Variants in ZBTB7C observed in about 807,000 individuals in gnomAD.
ZBTB7C encodes the protein zinc finger and BTB domain containing 7C.
A neutral mutation model predicts 25.7 loss-of-function variants in ZBTB7C; 8 were observed. The ratio of observed to expected loss-of-function variants is 0.31; its 90% CI spans 0.18 to 0.56. ZBTB7C has a LOEUF of 0.56. Ranked by LOEUF, ZBTB7C falls within the 20% of genes least tolerant of loss-of-function variation. The probability of loss-of-function intolerance (pLI) is 0.91; values close to 1 mark genes in which losing one functional copy is unlikely to be tolerated. For synonymous variants in ZBTB7C, 394 were observed against 369.0 expected (o/e 1.07, Z -0.78); for missense variants, 824 against 855.2 (o/e 0.96, Z 0.46).
At chr18:48,171,999 G>A (rs770210461) in intron 3 of ZBTB7C, among the ~76,000 whole-genome samples, 1 of 152,222 alleles carries the variant, frequency 6.6e-6, no homozygotes, top group Non-Finnish European at 1.5e-5. Context: ...ATAAGAAGTA[G>A]CTCCAGCTCT....
intron 2 of ZBTB7C, among the ~76,000 whole-genome samples, chr18:48,321,761 C>T (rs1201132293): frequency 6.6e-6 from 1 of 152,202 alleles, no homozygotes; most frequent in East Asian, 1.9e-4. Flanking sequence ...GCTCACAGAG[C>T]CACTGAAGAT....
chr18:48,238,461 C>T (rs1361653959), intron 2 of ZBTB7C, among the ~76,000 whole-genome samples: 2 of 152,150 alleles, frequency 1.3e-5, no homozygotes, highest in Non-Finnish European at 2.9e-5. Context: ...AACTGAGTGC[C>T]CAAAGTGTGT....
In ZBTB7C at chr18:48,029,836, C is replaced by A; in HGVS notation, c.1284G>T (p.Lys428Asn). 1 of 1,610,364 alleles carries A rather than the reference C, an allele frequency of 6.2e-7. No homozygotes were observed. The highest frequency in any genetic ancestry group is 8.5e-7 in the Non-Finnish European group (1 of 1,179,994). The change falls in exon 5 of 5, where the codon AAG (lysine) becomes AAT (asparagine). Residue 428 changes from lysine to asparagine, a missense_variant. Physicochemically the swap from Lys to Asn is moderately conservative, Grantham distance 94 (BLOSUM62 0). Transcript: ENST00000590800. ...RPYLCIHCNA[K>N]FVHNYDLKNH... Reference sequence around the variant, plus strand: ...TCTTGAGGTCGTAGTTGTGCACGAACTTGGCGTTGCAGTGGATGCACAGGT... The same window carrying A: ...TCTTGAGGTCGTAGTTGTGCACGAAATTGGCGTTGCAGTGGATGCACAGGT...
intron 3 of ZBTB7C, among the ~76,000 whole-genome samples, chr18:48,095,359 C>G (rs1300157114): frequency 6.6e-6 from 1 of 152,148 alleles, no homozygotes; most frequent in African/African-American, 2.4e-5. Flanking sequence ...AACAAGCTGC[C>G]TATTTGAGAG....
At chr18:48,053,961 AG>A (rs775805286) in intron 3 of ZBTB7C, among the ~76,000 whole-genome samples, 5 of 152,216 alleles carry the variant, frequency 3.3e-5, no homozygotes, top group Non-Finnish European at 5.9e-5. Context: ...CAAAGGGATT[AG>A]CTTGTGCGAA....
chr18:48,047,129 T>C (rs540975250), intron 3 of ZBTB7C, among the ~76,000 whole-genome samples: 2 of 152,252 alleles, frequency 1.3e-5, no homozygotes, highest in East Asian at 3.9e-4. Context: ...TGCTGTTTCA[T>C]TGTCTTTTTG....
At chr18:48,232,407 A>G (rs1188934600) in intron 2 of ZBTB7C, among the ~76,000 whole-genome samples, 1 of 152,084 alleles carries the variant, frequency 6.6e-6, no homozygotes, top group Non-Finnish European at 1.5e-5. Flanking sequence ...ACTTTGTCAT[A>G]CTTTGTTATG....
rs1319100955 is a variant in ZBTB7C, at chr18:48,253,956, AT to A, written c.-78-67962del. ...ATCTCAAAAATTGCTTGTTTTTTAG[AT>A]CCTAAATTCCAGCAAAACAGCTAAT... On this transcript the variant is annotated intron_variant, in intron 2 of 4. Transcript: ENST00000590800. Among the ~76,000 whole-genome samples the A allele has an allele frequency of 3.3e-5, 5 of 152,288 alleles. No individual in the cohort carries two copies. In the East Asian group the frequency reaches 9.7e-4, roughly 29 times the overall value.
At chr18:48,086,947 AG>A (rs1568207154) in intron 3 of ZBTB7C, among the ~76,000 whole-genome samples, 1 of 152,228 alleles carries the variant, frequency 6.6e-6, no homozygotes, top group African/African-American at 2.4e-5. Flanking sequence ...ACTTCCTACA[AG>A]GCGCTGTGCT....
At chr18:48,382,990 G>T (rs374338352) in intron 1 of ZBTB7C, among the ~76,000 whole-genome samples, 1 of 152,132 alleles carries the variant, frequency 6.6e-6, no homozygotes, top group East Asian at 1.9e-4. Context: ...CAAATTTGGC[G>T]TGATATTTTC....
intron 2 of ZBTB7C, among the ~76,000 whole-genome samples, chr18:48,311,118 C>A (rs920453750): frequency 4.6e-5 from 7 of 152,158 alleles, no homozygotes; most frequent in Non-Finnish European, 1.0e-4. Context: ...CCAACAAAAC[C>A]CAGGGGTAGG....
chr18:48,240,982 A>C (rs2144355578), intron 2 of ZBTB7C, among the ~76,000 whole-genome samples: 1 of 152,260 alleles, frequency 6.6e-6, no homozygotes, highest in South Asian at 2.1e-4. Flanking sequence ...ACTCACATAG[A>C]CTTAAGGTTA....
At chr18:48,111,038 C>T (rs1011421975) in intron 3 of ZBTB7C, among the ~76,000 whole-genome samples, 2 of 152,174 alleles carry the variant, frequency 1.3e-5, no homozygotes, top group African/African-American at 2.4e-5. Flanking sequence ...CCTGGACTGT[C>T]TGGGGAGCAA....
intron 2 of ZBTB7C, among the ~76,000 whole-genome samples, chr18:48,228,585 G>A (rs1173598149): frequency 6.6e-6 from 1 of 152,054 alleles, no homozygotes; most frequent in African/African-American, 2.4e-5. Flanking sequence ...GGAGGCTGCA[G>A]CAGGAAGAAG....
At chr18:48,279,567 T>C (rs1441770796) in intron 2 of ZBTB7C, among the ~76,000 whole-genome samples, 1 of 152,206 alleles carries the variant, frequency 6.6e-6, no homozygotes, top group Non-Finnish European at 1.5e-5. Context: ...TTCTGTCTTC[T>C]GATATTAGCA....
chr18:48,398,041 G>A (rs575719985), intron 1 of ZBTB7C, among the ~76,000 whole-genome samples: 14 of 152,192 alleles, frequency 9.2e-5, no homozygotes, highest in Non-Finnish European at 1.6e-4. Flanking sequence ...GCCTGCTGAT[G>A]GAGGTCTACA....
intron 2 of ZBTB7C, among the ~76,000 whole-genome samples, chr18:48,218,123 C>T (rs574200977): frequency 3.9e-4 from 60 of 152,254 alleles, no homozygotes; most frequent in South Asian, 1.0e-3. Flanking sequence ...ACCAGGGTTC[C>T]GGGGTGGCTC....
At chr18:48,042,203 C>T (rs2036278125) in intron 3 of ZBTB7C, among the ~76,000 whole-genome samples, 1 of 152,202 alleles carries the variant, frequency 6.6e-6, no homozygotes, top group African/African-American at 2.4e-5. Flanking sequence ...CCTTCCTCAT[C>T]CCTCTTTTCC....
At chr18:48,142,524 C>T (rs1424138100) in intron 3 of ZBTB7C, among the ~76,000 whole-genome samples, 1 of 152,174 alleles carries the variant, frequency 6.6e-6, no homozygotes, top group Non-Finnish European at 1.5e-5. Flanking sequence ...GACCTCTGCT[C>T]ACAGCCTGAG....
Sources: gnomAD v4.1 joint callset for allele counts (sites outside exome capture counted in the v4.1 genomes callset) on GRCh38, gnomAD v4.1.1 for gene constraint, MANE v1.5 for transcripts, NCBI Gene and HGNC (gene_info 2026-07-23, HGNC 2026-07-21) for gene names.